The following RAD23B variants were observed in gnomAD, a reference collection of about 807,000 sequenced individuals.
RAD23B encodes RAD23 nucleotide excision repair protein B.
A neutral mutation model predicts 49.1 loss-of-function variants in RAD23B; 5 were observed. The ratio of observed to expected loss-of-function variants is 0.10; its 90% CI spans 0.05 to 0.21. The LOEUF is 0.21. Among genes scored for constraint, RAD23B ranks in the 10% least tolerant of loss-of-function variants. The probability of loss-of-function intolerance (pLI) is 1.00; values close to 1 mark genes in which losing one functional copy is unlikely to be tolerated. For missense variants in RAD23B, 356 were observed against 486.7 expected (o/e 0.73, Z 2.53); for synonymous variants, 184 against 165.4 (o/e 1.11, Z -0.86).
intron 1 of RAD23B, among the ~76,000 whole-genome samples, chr9:107,298,433 A>G (rs1437237219): frequency 1.3e-5 from 2 of 149,098 alleles, no homozygotes; most frequent in Non-Finnish European, 3.0e-5. Context: ...TCGTCCTCCC[A>G]AGTAGCTGGG....
At chr9:107,295,375 A>G (rs530309205) in intron 1 of RAD23B, among the ~76,000 whole-genome samples, 10 of 152,314 alleles carry the variant, frequency 6.6e-5, no homozygotes, top group South Asian at 2.1e-4. Context: ...GATAGGAAAT[A>G]TAATGAATTT....
chr9:107,319,649 A>C (rs545229879), intron 6 of RAD23B, among the ~76,000 whole-genome samples: 1 of 152,136 alleles, frequency 6.6e-6, no homozygotes. Flanking sequence ...TCTGTTACCA[A>C]CGTAACATCA....
chr9:107,315,002 T>C (rs1253479495), intron 5 of RAD23B, among the ~76,000 whole-genome samples: 1 of 152,214 alleles, frequency 6.6e-6, no homozygotes, highest in African/African-American at 2.4e-5. Flanking sequence ...ATTTGTTTTT[T>C]TCTTGATGTT....
At chr9:107,321,213 A>C (rs1827104237) in intron 6 of RAD23B, among the ~76,000 whole-genome samples, 3 of 151,984 alleles carry the variant, frequency 2.0e-5, no homozygotes, top group Admixed American at 2.0e-4. Flanking sequence ...ATTTTGAAAA[A>C]TTAAATTTTT....
chr9:107,306,045 T>TATATATATATATATATATA (rs1564245432), intron 3 of RAD23B, among the ~76,000 whole-genome samples: 1 of 26,794 alleles, frequency 3.7e-5, no homozygotes, highest in African/African-American at 1.3e-4. Context: ...ATGATACGGT[T>TATATATATATATATATATA]TATATCTATA....
chr9:107,321,742 G>T (rs985507073), intron 6 of RAD23B, among the ~76,000 whole-genome samples: 13 of 152,178 alleles, frequency 8.5e-5, no homozygotes, highest in African/African-American at 3.1e-4. Context: ...GGTAAGTTCT[G>T]TTGGACAGTG....
chr9:107,284,350 C>T (rs553860809), intron 1 of RAD23B, among the ~76,000 whole-genome samples: 5 of 152,208 alleles, frequency 3.3e-5, no homozygotes, highest in South Asian at 2.1e-4. Context: ...TGTTAGAGCT[C>T]TTCACAGCCA....
chr9:107,305,491 C>G (rs1452673755), intron 3 of RAD23B, among the ~76,000 whole-genome samples: 1 of 152,020 alleles, frequency 6.6e-6, no homozygotes, highest in Non-Finnish European at 1.5e-5. Context: ...CTCAGTGTAA[C>G]TTATATTGAA....
At chr9:107,297,161 C>CTT (rs11380914) in intron 1 of RAD23B, among the ~76,000 whole-genome samples, 3 of 147,868 alleles carry the variant, frequency 2.0e-5, no homozygotes, top group African/African-American at 7.5e-5. Flanking sequence ...CTCTTAATTT[C>CTT]TTTTTTTTTT....
Position 107,329,774 on chromosome 9 carries a change from T to C in RAD23B, c.*118T>C. 3.8e-6 allele frequency: 1 copy of C among 261,698 alleles called. No individual in the cohort carries two copies. Among genetic ancestry groups the C allele is most frequent in the South Asian group, 3.6e-5 (1 of 27,958 alleles). 16.2% of individuals were successfully genotyped at this position (261,698 alleles called of 1,614,324 possible). ...TACTTGGTATAAGGTAGTAGATTGT[T>C]GGGGGTGGGGAGGGAGGGATCTAGG... is the stretch of plus-strand genomic sequence containing the variant. On this transcript the variant is annotated 3_prime_UTR_variant, in exon 10 of 10. Coordinates refer to ENST00000358015, the MANE Select transcript of RAD23B (RefSeq NM_002874.5).
Position 107,324,909 on chromosome 9 carries a change from G to T in RAD23B, c.1021G>T (p.Gly341Ter), listed in dbSNP as rs780125343. ...TCAAGAAGCTGGTGGTCAAGGAGGA[G>T]GAGGTGGAGGTGGCAGTGGAGGAAT... ...PVQEAGGQGG[G>*]GGGGSGGIAE... The change falls in exon 9 of 10, where the codon GGA (glycine) becomes TGA (stop). Residue 341 changes from glycine to a stop codon, truncating the protein, a stop_gained. Coordinates refer to ENST00000358015, the MANE Select transcript of RAD23B (RefSeq NM_002874.5). LOFTEE classifies it high-confidence loss of function. 1 of 1,613,784 alleles carries T rather than the reference G, an allele frequency of 6.2e-7. No individual in the cohort carries two copies.
chr9:107,326,627 CTTTTTT>C (rs796381629), intron 9 of RAD23B, among the ~76,000 whole-genome samples: 11 of 67,566 alleles, frequency 1.6e-4, no homozygotes, highest in Admixed American at 2.6e-4. Flanking sequence ...TTTTGTATTT[CTTTTTT>C]TTTTTTTTTT....
chr9:107,288,720 T>C (rs1436020707), intron 1 of RAD23B, among the ~76,000 whole-genome samples: 1 of 152,158 alleles, frequency 6.6e-6, no homozygotes, highest in Non-Finnish European at 1.5e-5. Context: ...TACTAGTCAC[T>C]GAAGGCCTTT....
rs139308475 is a variant in RAD23B, at chr9:107,295,623, T to A, written c.67-4518T>A. Among the ~76,000 whole-genome samples, 372 of 152,256 alleles carry A rather than the reference T, an allele frequency of 2.4e-3. 3 individuals are homozygous for A. Among genetic ancestry groups the A allele is most frequent in the African/African-American group, 8.7e-3 (362 of 41,556 alleles). ...GCTGTGAATCAGATTTAGAGTAGAATGCAGATTTGAGATATTCTTTTGGAG... is the reference window on the plus strand; with the variant it reads ...GCTGTGAATCAGATTTAGAGTAGAAAGCAGATTTGAGATATTCTTTTGGAG... On this transcript the variant is annotated intron_variant, in intron 1 of 9. Coordinates refer to ENST00000358015, the MANE Select transcript of RAD23B (RefSeq NM_002874.5).
chr9:107,284,734 T>C (rs1833240100), intron 1 of RAD23B: 3 of 1,124,372 alleles, frequency 2.7e-6, no homozygotes, highest in African/African-American at 1.6e-5. Context: ...TGCCCAACTC[T>C]ATTTTTAAAA....
chr9:107,306,259 T>C, intron 3 of RAD23B, 120 bp from the exon 4 acceptor site: 1 of 913,316 alleles, frequency 1.1e-6, no homozygotes, highest in Non-Finnish European at 1.6e-6. Flanking sequence ...CAAAATTATT[T>C]TCAAGTTATA....
Position 107,318,004 on chromosome 9 carries a change from A to G in RAD23B, c.554-748A>G, listed in dbSNP as rs1827029145. 6.6e-6 allele frequency among the ~76,000 whole-genome samples: 1 copy of G among 152,112 alleles called. No individual in the cohort carries two copies. Among genetic ancestry groups the G allele is most frequent in the African/African-American group, 2.4e-5 (1 of 41,404 alleles). Reference sequence around the variant, plus strand: ...TTTGAAATACCATCCCTTCCCCAGCATGTTTTCAGAATTTGGTGTCTCTTC... The same window carrying G: ...TTTGAAATACCATCCCTTCCCCAGCGTGTTTTCAGAATTTGGTGTCTCTTC... On this transcript the variant is annotated intron_variant, in intron 5 of 9. Transcript: ENST00000358015. This position sits in a 1 kb window ranked among gnomAD's most constrained non-coding sequence, Gnocchi z 4.3.
At position 107,306,493 on chromosome 9, in the gene RAD23B, C is replaced by A; in HGVS notation, c.343C>A (p.Pro115Thr). ...TGTGGCTCAGGCTCCAACCCCTGTC[C>A]CTGCCTTGGCCCCCACTTCCACACC... ...TTVAQAPTPV[P>T]ALAPTSTPAS... The change falls in exon 4 of 10, where the codon CCT (proline) becomes ACT (threonine). Residue 115 changes from proline (P) to threonine (T), a missense_variant. Physicochemically the swap from Pro to Thr is conservative, Grantham distance 38. Coordinates refer to ENST00000358015, the MANE Select transcript of RAD23B (RefSeq NM_002874.5). 1 of 1,614,168 alleles carries A rather than the reference C, an allele frequency of 6.2e-7. No individual in the cohort carries two copies. The highest frequency in any genetic ancestry group is 8.5e-7 in the Non-Finnish European group (1 of 1,180,026).
At position 107,302,235 on chromosome 9, in the gene RAD23B, A is replaced by G. The variant is rs554702933; in HGVS notation, c.228+121A>G. ...CCATAGTGGTGTACACTTAACTACT[A>G]TGAAAGGTTTTTAAGAATTTACCTT... On this transcript the variant is annotated intron_variant, in intron 3 of 9. Coordinates refer to ENST00000358015, the MANE Select transcript of RAD23B (RefSeq NM_002874.5). The G allele has an allele frequency of 9.1e-6, 12 of 1,312,122 alleles. No individual in the cohort carries two copies. The South Asian group carries it at 2.0e-4, about 22-fold the overall frequency. 81.3% of individuals were successfully genotyped at this position (1,312,122 alleles called of 1,614,324 possible). A position where few individuals can be genotyped will look rare whatever the true frequency, so the allele number is the denominator to read the frequency against.
Sources: gnomAD v4.1 joint callset for allele counts (sites outside exome capture counted in the v4.1 genomes callset) on GRCh38, gnomAD v4.1.1 for gene constraint, Gnocchi (gnomAD v3.1) non-coding constraint, MANE v1.5 for transcripts, NCBI Gene and HGNC (gene_info 2026-07-23, HGNC 2026-07-21) for gene names.